Variants in OOEP observed in about 807,000 individuals in gnomAD.
OOEP encodes oocyte-expressed protein homolog.
A neutral mutation model predicts 13.7 loss-of-function variants in OOEP; 16 were observed. That is an observed-to-expected ratio of 1.16 (90% CI 0.79 to 1.77). The LOEUF (loss-of-function observed/expected upper bound fraction) is 1.77, where lower values mean the gene tolerates loss of function less well. OOEP is among the 40% of genes most tolerant of loss of function. The probability of loss-of-function intolerance (pLI) is 0.00; values close to 1 mark genes in which losing one functional copy is unlikely to be tolerated. For synonymous variants in OOEP, 89 were observed against 77.1 expected (o/e 1.15, Z -0.81); for missense variants, 195 against 193.1 (o/e 1.01, Z -0.06).
rs760681871 is a variant in OOEP at position 73,394,867 on chromosome 6, T to C, written c.-267A>G. On this transcript the variant is annotated 5_prime_UTR_variant, in exon 1 of 4. Coordinates refer to the OOEP transcript ENST00000370363. ...ACGTCACGGTCAGGTGGTGCAGAGC[T>C]GGACGGCAACGACGTCGGACGCGCC... is the stretch of plus-strand genomic sequence containing the variant. The C allele has an allele frequency of 1.9e-6, 3 of 1,606,604 alleles. 1 individual carries two copies. The Admixed American group carries it at 5.0e-5, about 27-fold the overall frequency.
chr6:73,394,800 T>TAATCCTC, exon 1 of OOEP: 3 of 1,516,366 alleles, frequency 2.0e-6, no homozygotes, highest in Non-Finnish European at 2.7e-6. Flanking sequence ...GCGGGCTCCT[T>TAATCCTC]AAGTAGCGGC....
exon 2 of OOEP, chr6:73,394,359 G>A (rs1322297920): frequency 4.2e-6 from 3 of 715,216 alleles, no homozygotes; most frequent in Non-Finnish European, 7.8e-6. Context: ...TATGGGTCAC[G>A]GTTGAAAACA....
At chr6:73,371,096 A>C (rs926499727), upstream of OOEP, among the ~76,000 whole-genome samples, 2 of 152,006 alleles carry the variant, frequency 1.3e-5, no homozygotes, top group African/African-American at 4.8e-5. Flanking sequence ...GTGAGCCACC[A>C]CAGCCAGCAT....
chr6:73,373,533 A>G (rs1769093095), upstream of OOEP, among the ~76,000 whole-genome samples: 1 of 151,868 alleles, frequency 6.6e-6, no homozygotes, highest in South Asian at 2.1e-4. Context: ...GTTGGACTAC[A>G]GGCATGAGCC....
chr6:73,372,556 T>C (rs1008652868), upstream of OOEP, among the ~76,000 whole-genome samples: 4 of 152,136 alleles, frequency 2.6e-5, no homozygotes, highest in African/African-American at 9.7e-5. Context: ...GGGAGACCGA[T>C]AGGCCTTTGC....
chr6:73,395,007 G>A (rs1250826484), exon 1 of OOEP: 1 of 1,614,278 alleles, frequency 6.2e-7, no homozygotes. Context: ...CGGCGGAGGA[G>A]TTGAATCGAA....
intron 2 of OOEP, among the ~76,000 whole-genome samples, chr6:73,387,141 TA>T (rs909274047): frequency 6.6e-6 from 1 of 151,902 alleles, no homozygotes; most frequent in Admixed American, 6.6e-5. Flanking sequence ...TTAAACAATG[TA>T]AAATGCAAAA....
intron 2 of OOEP, among the ~76,000 whole-genome samples, chr6:73,393,773 C>G (rs1012107573): frequency 5.9e-5 from 9 of 152,106 alleles, no homozygotes; most frequent in African/African-American, 2.2e-4. Flanking sequence ...AGTGATCGCA[C>G]CACTGCACTC....
At position 73,379,655 on chromosome 6, in the gene OOEP, A is replaced by AG. The variant is rs1283888494; in HGVS notation, c.26-10271_26-10270insC. Among the ~76,000 whole-genome samples, 39 of 141,078 alleles carry AG rather than the reference A, an allele frequency of 2.8e-4. 2 individuals carry two copies. The highest frequency in any genetic ancestry group is 1.5e-3 in the Admixed American group (19 of 13,066). 92.6% of individuals were successfully genotyped at this position (141,078 alleles called of 152,430 possible). A position where few individuals can be genotyped will look rare whatever the true frequency, so the allele number is the denominator to read the frequency against. On this transcript the variant is annotated intron_variant, in intron 2 of 3. Transcript: ENST00000370363. ...CTCTATCTCAAAAAAAAAAAAAAAA[A>AG]AAAAAAGTGGCCTTATTTTACATGT...
chr6:73,382,563 G>A (rs1011641587), intron 2 of OOEP, among the ~76,000 whole-genome samples: 1 of 151,794 alleles, frequency 6.6e-6, no homozygotes, highest in Non-Finnish European at 1.5e-5. Context: ...GTCTCACCAT[G>A]TTGTCCAGAC....
At chr6:73,384,686 T>C (rs763441519) in intron 2 of OOEP, among the ~76,000 whole-genome samples, 2 of 151,550 alleles carry the variant, frequency 1.3e-5, no homozygotes, top group Non-Finnish European at 2.9e-5. Context: ...AGTCCTGGGC[T>C]CAAGTGATCA....
intron 2 of OOEP, chr6:73,394,277 G>A (rs1449136592): frequency 8.4e-6 from 6 of 711,142 alleles, no homozygotes; most frequent in Non-Finnish European, 1.0e-5. Context: ...GAGGATAAAT[G>A]CTGTTTTGTC....
chr6:73,368,700 T>C lies in OOEP; in HGVS notation c.*84A>G, dbSNP rs1768994876. On this transcript the variant is annotated 3_prime_UTR_variant, in exon 3 of 3. Coordinates refer to ENST00000370359, the MANE Select transcript of OOEP (RefSeq NM_001080507.3). ...GACACAGGAAAAAGGAATACGGGGATTTAAGAATGCTATACTTGCTTTTCT... is the reference window on the plus strand; with the variant it reads ...GACACAGGAAAAAGGAATACGGGGACTTAAGAATGCTATACTTGCTTTTCT... 3 of 885,446 alleles carry C rather than the reference T, an allele frequency of 3.4e-6. No individual in the cohort carries two copies. In the Admixed American group the frequency reaches 5.8e-5, roughly 17 times the overall value. The allele number at this position is 885,446 out of a possible 1,614,324, so 54.8% of individuals were successfully genotyped here.
chr6:73,369,949 C>G, upstream of OOEP: 1 of 633,830 alleles, frequency 1.6e-6, no homozygotes, highest in Non-Finnish European at 2.7e-6. Flanking sequence ...GTGCAAGCGA[C>G]GCCCCGGCAT....
chr6:73,394,709 C>T, intron 1 of OOEP: 2 of 770,514 alleles, frequency 2.6e-6, no homozygotes, highest in Non-Finnish European at 4.1e-6. Flanking sequence ...GTCCCGCCCA[C>T]AACGCTCACT....
chr6:73,391,039 T>C (rs1170770038), intron 2 of OOEP: 1 of 152,246 alleles, frequency 6.6e-6, no homozygotes, highest in African/African-American at 2.4e-5. Context: ...CCGCCGGGCT[T>C]ATTTTTGGCT....
In OOEP at chr6:73,389,641, CA is replaced by C. The variant is rs1769319235; in HGVS notation, c.25+4704del. 2.1e-5 allele frequency among the ~76,000 whole-genome samples: 3 copies of C among 141,002 alleles called. No homozygotes were observed. In the Admixed American group the frequency reaches 2.3e-4, roughly 11 times the overall value. 92.5% of individuals were successfully genotyped at this position (141,002 alleles called of 152,430 possible). A position where few individuals can be genotyped will look rare whatever the true frequency, so the allele number is the denominator to read the frequency against. ...ACAGAACTCATAGGTGGGAATTGAACAATGAGAACACATGGACACAGGAAGG... is the reference window on the plus strand; with the variant it reads ...ACAGAACTCATAGGTGGGAATTGAACATGAGAACACATGGACACAGGAAGG... On this transcript the variant is annotated intron_variant, in intron 2 of 3. Coordinates refer to the OOEP transcript ENST00000370363.
At chr6:73,373,266 C>T (rs977674913), upstream of OOEP, 61 of 1,605,472 alleles carry the variant, frequency 3.8e-5, no homozygotes, top group Admixed American at 5.0e-5. Context: ...GAAGACATGG[C>T]GAGCAGCGGA....
chr6:73,378,148 A>C (rs1769158125), intron 2 of OOEP, among the ~76,000 whole-genome samples: 1 of 151,300 alleles, frequency 6.6e-6, no homozygotes, highest in Admixed American at 6.6e-5. Flanking sequence ...TGACACCCAG[A>C]TTGGAGTGCA....
Sources: allele counts gnomAD v4.1 joint callset (sites outside exome capture counted in the v4.1 genomes callset), GRCh38; gene constraint gnomAD v4.1.1; transcripts MANE v1.5; gene names NCBI Gene and HGNC (gene_info 2026-07-23, HGNC 2026-07-21).